The following ZC3H4 variants were observed in gnomAD, a reference collection of about 807,000 sequenced individuals.
The protein encoded by ZC3H4 is zinc finger CCCH-type containing 4, also known as zinc finger CCCH domain-containing protein 4.
In ZC3H4, 13 loss-of-function variants were observed where a neutral mutation model predicts 108.3. That is an observed-to-expected ratio of 0.12 (90% confidence interval 0.08 to 0.19). ZC3H4 has a LOEUF of 0.19. Among genes scored for constraint, ZC3H4 ranks in the 10% least tolerant of loss-of-function variants. ZC3H4 has a pLI of 1.00. For synonymous variants in ZC3H4, 917 were observed against 749.6 expected (o/e 1.22, Z -3.65); for missense variants, 1,734 against 1,838.8 (o/e 0.94, Z 1.04).
chr19:47,097,380 T>G (rs1385827274), intron 2 of ZC3H4, among the ~76,000 whole-genome samples: 1 of 152,192 alleles, frequency 6.6e-6, no homozygotes, highest in Non-Finnish European at 1.5e-5. Flanking sequence ...AACAGATCAC[T>G]GCATTCTCAG....
chr19:47,091,049 A>T (rs1568555838), intron 4 of ZC3H4, among the ~76,000 whole-genome samples: 1 of 150,900 alleles, frequency 6.6e-6, no homozygotes, highest in Non-Finnish European at 1.5e-5. Context: ...GGCAGATCAC[A>T]AGGTCAGGAG....
At chr19:47,097,021 C>T (rs982541019) in intron 2 of ZC3H4, 2 of 983,142 alleles carry the variant, frequency 2.0e-6, no homozygotes, top group East Asian at 1.1e-4. Context: ...GGCTACTCTA[C>T]ATCTAACACC....
intron 2 of ZC3H4, among the ~76,000 whole-genome samples, chr19:47,104,917 T>C (rs2057949429): frequency 6.6e-6 from 1 of 151,844 alleles, no homozygotes; most frequent in East Asian, 1.9e-4. Flanking sequence ...AGGGATGTAA[T>C]GGCCATGATC....
intron 2 of ZC3H4, among the ~76,000 whole-genome samples, chr19:47,095,931 G>A (rs1344638768): frequency 6.6e-6 from 1 of 152,106 alleles, no homozygotes; most frequent in Non-Finnish European, 1.5e-5. Flanking sequence ...GCCACAAATG[G>A]AGCTATCTCT....
chr19:47,097,147 C>T (rs2057835444), intron 2 of ZC3H4, among the ~76,000 whole-genome samples: 1 of 152,216 alleles, frequency 6.6e-6, no homozygotes, highest in Non-Finnish European at 1.5e-5. Flanking sequence ...ATTCACCCTA[C>T]AAAGACCTGA....
In ZC3H4 at chr19:47,067,309, G is replaced by A. The variant is rs1234803943; in HGVS notation, c.2959C>T (p.Leu987=). ...VLWNPEDLIP[L]PIPKQDAVPP... Reference sequence around the variant, plus strand: ...ACTGCGTCCTGCTTGGGGATGGGTAGGGGGATCAGGTCCTCGGGATTCCAG... The same window carrying A: ...ACTGCGTCCTGCTTGGGGATGGGTAAGGGGATCAGGTCCTCGGGATTCCAG... The change falls in exon 15 of 15, where the codon CTA becomes TTA. Residue 987 remains leucine (L), a synonymous_variant. Transcript: ENST00000253048. This position sits in a 1 kb window ranked among gnomAD's most constrained non-coding sequence, Gnocchi z 6.4. The A allele has an allele frequency of 1.9e-6, 3 of 1,594,806 alleles. No individual in the cohort carries two copies. The highest frequency in any genetic ancestry group is 2.6e-6 in the Non-Finnish European group (3 of 1,169,540).
chr19:47,091,046 C>G (rs552008224), intron 4 of ZC3H4, among the ~76,000 whole-genome samples: 1 of 152,226 alleles, frequency 6.6e-6, no homozygotes, highest in South Asian at 2.1e-4. Flanking sequence ...GCGGGCAGAT[C>G]ACAAGGTCAG....
intron 11 of ZC3H4, among the ~76,000 whole-genome samples, chr19:47,073,196 A>G (rs1245423431): frequency 1.3e-5 from 2 of 151,994 alleles, no homozygotes; most frequent in Non-Finnish European, 2.9e-5. Flanking sequence ...TCACTTGAAC[A>G]TGGGAGGCAG....
intron 4 of ZC3H4, among the ~76,000 whole-genome samples, chr19:47,092,013 A>G (rs962346766): frequency 6.6e-6 from 1 of 152,188 alleles, no homozygotes; most frequent in Non-Finnish European, 1.5e-5. Context: ...ATTTGAGACC[A>G]GCCTGGGCAA....
rs969350293 is a variant in ZC3H4, at chr19:47,067,061, A to T, written c.3207T>A (p.Ser1069Arg). ...TGGGGGCCTTCCGCACCCGGGGGTCACTGGGTTTGTCGCTGGAACCGGGGG... is the reference window on the plus strand; with the variant it reads ...TGGGGGCCTTCCGCACCCGGGGGTCTCTGGGTTTGTCGCTGGAACCGGGGG... ...SAAPGSSDKP[S>R]DPRVRKAPTD... Residue 1069 changes from serine (S) to arginine (R), a missense_variant, in exon 15 of 15, where the codon AGT becomes AGA. Physicochemically the swap from Ser to Arg is moderately radical, Grantham distance 110. This residue lies in a region of ZC3H4 where 518 missense variants were observed against 499.6 expected (regional missense o/e 1.04). Transcript: ENST00000253048. This position sits in a 1 kb window ranked among gnomAD's most constrained non-coding sequence, Gnocchi z 6.4. 9 of 1,608,682 alleles carry T rather than the reference A, an allele frequency of 5.6e-6. No homozygotes were observed. In the African/African-American group the frequency reaches 1.2e-4, roughly 21 times the overall value.
At chr19:47,109,861 G>A (rs1449820925) in intron 2 of ZC3H4, among the ~76,000 whole-genome samples, 3 of 152,146 alleles carry the variant, frequency 2.0e-5, no homozygotes, top group African/African-American at 4.8e-5. Context: ...GTCTTTTAAC[G>A]GAACTTATGC....
At chr19:47,081,176 A>C (rs1213599486) in intron 11 of ZC3H4, among the ~76,000 whole-genome samples, 2 of 152,194 alleles carry the variant, frequency 1.3e-5, no homozygotes, top group Admixed American at 6.5e-5. Context: ...CTGGGGTTAC[A>C]GGTGATTCGT....
rs200000870 is a variant in ZC3H4, at chr19:47,066,637, G to A, written c.3631C>T (p.Pro1211Ser). Reference protein sequence around the residue: ...TGKAGADGGTPTDRYNSYNRP... With the variant: ...TGKAGADGGTSTDRYNSYNRP... Reference sequence around the variant, plus strand: ...TTGTAGCTGTTGTATCTGTCCGTGGGGGTGCCCCCATCAGCACCGGCCTTC... The same window carrying A: ...TTGTAGCTGTTGTATCTGTCCGTGGAGGTGCCCCCATCAGCACCGGCCTTC... The change falls in exon 15 of 15, where the codon CCC becomes TCC. Residue 1211 changes from proline to serine, a missense_variant. Transcript: ENST00000253048. The A allele has an allele frequency of 9.1e-5, 147 of 1,611,820 alleles. No homozygotes were observed. Among genetic ancestry groups the A allele is most frequent in the Admixed American group, 1.3e-4 (8 of 59,930 alleles).
At chr19:47,091,670 A>C (rs2057733023) in intron 4 of ZC3H4, among the ~76,000 whole-genome samples, 1 of 151,148 alleles carries the variant, frequency 6.6e-6, no homozygotes, top group Non-Finnish European at 1.5e-5. Context: ...GGCAGATCAC[A>C]AAGTCAGGAG....
rs544218505 is a variant in ZC3H4 at position 47,066,725 on chromosome 19, C to T, written c.3543G>A (p.Ser1181=). The stretch of plus-strand genomic sequence containing the variant: ...ACGGGGGCTCCTTAGCCTTGGAGGC[C>T]GAGCTCTTGCCATTGCCCTCAGCAC... ...PKGAEGNGKS[S]ASKAKEPPFV... The change falls in exon 15 of 15, where the codon TCG becomes TCA. Residue 1181 remains serine, a synonymous_variant. Transcript: ENST00000253048. 4.3e-5 allele frequency: 69 copies of T among 1,606,822 alleles called. No homozygotes were observed. The highest frequency in any genetic ancestry group is 3.6e-4 in the African/African-American group (27 of 75,034).
intron 11 of ZC3H4, 24 bp downstream of exon 11, chr19:47,081,489 G>A (rs199723295): frequency 6.2e-7 from 1 of 1,607,800 alleles, no homozygotes; most frequent in Non-Finnish European, 8.5e-7. Context: ...TGTAGCCGGG[G>A]GCCCCGTTAC....
intron 2 of ZC3H4, among the ~76,000 whole-genome samples, chr19:47,107,473 A>G (rs779432302): frequency 6.6e-6 from 1 of 152,144 alleles, no homozygotes; most frequent in Non-Finnish European, 1.5e-5. Context: ...CTTCCTCCAC[A>G]TCCTGTTGCC....
At chr19:47,095,198 G>A (rs1266191354) in intron 2 of ZC3H4, among the ~76,000 whole-genome samples, 2 of 152,230 alleles carry the variant, frequency 1.3e-5, no homozygotes, top group Non-Finnish European at 2.9e-5. Context: ...GCACCGTGGA[G>A]AGGGCCTTGG....
chr19:47,096,000 G>A (rs983272964), intron 2 of ZC3H4, among the ~76,000 whole-genome samples: 3 of 152,176 alleles, frequency 2.0e-5, no homozygotes, highest in African/African-American at 7.2e-5. Context: ...CTTGCCTGAA[G>A]GTTCCAGGGC....
Sources: gnomAD v4.1 joint callset for allele counts (sites outside exome capture counted in the v4.1 genomes callset) on GRCh38, gnomAD v4.1.1 for gene constraint, gnomAD v4.1.1 regional missense constraint, Gnocchi (gnomAD v3.1) non-coding constraint, MANE v1.5 for transcripts, NCBI Gene and HGNC (gene_info 2026-07-23, HGNC 2026-07-21) for gene names.